PSD3: variants seen among roughly 807,000 people sequenced by gnomAD.
PSD3 encodes pleckstrin and Sec7 domain containing 3, also known as PH and SEC7 domain-containing protein 3.
In PSD3, 49 loss-of-function variants were observed where a neutral mutation model predicts 105.5. That is an observed-to-expected ratio of 0.46 (90% CI 0.37 to 0.59). The LOEUF is 0.59. PSD3 is among the 20% of genes least tolerant of loss of function. The pLI is 0.00. For missense variants in PSD3, 1,561 were observed against 1,263.8 expected, an observed-to-expected ratio of 1.24 and a Z score of -3.57; for synonymous variants, 557 against 457.8, an observed-to-expected ratio of 1.22 and a Z score of -2.77.
chr8:18,919,786 T>A (rs1820876563), intron 2 of PSD3, among the ~76,000 whole-genome samples: 1 of 136,016 alleles, frequency 7.4e-6, no homozygotes, highest in Admixed American at 8.5e-5. Flanking sequence ...CACTCATAGA[T>A]GGGAATTGAA....
intron 6 of PSD3, among the ~76,000 whole-genome samples, chr8:18,801,786 C>T (rs1007619576): frequency 1.3e-5 from 2 of 152,066 alleles, no homozygotes; most frequent in South Asian, 2.1e-4. Context: ...TGAGGTCGCG[C>T]CACTACACTC....
At chr8:18,911,818 C>T (rs1586400731) in intron 2 of PSD3, among the ~76,000 whole-genome samples, 1 of 152,198 alleles carries the variant, frequency 6.6e-6, no homozygotes, top group African/African-American at 2.4e-5. Context: ...CATCACTAGT[C>T]ATCATGAACA....
At chr8:18,579,256 A>G (rs531102478) in intron 12 of PSD3, among the ~76,000 whole-genome samples, 22 of 152,286 alleles carry the variant, frequency 1.4e-4, no homozygotes, top group African/African-American at 5.1e-4. Context: ...GATAGTGTTT[A>G]AATGGTAGAA....
chr8:18,773,075 G>C (rs1222131843), intron 8 of PSD3, among the ~76,000 whole-genome samples: 1 of 152,132 alleles, frequency 6.6e-6, no homozygotes, highest in Non-Finnish European at 1.5e-5. Context: ...TGGTGTCACA[G>C]TGAAGAAATT....
intron 9 of PSD3, among the ~76,000 whole-genome samples, chr8:18,657,680 C>T (rs1320054870): frequency 6.6e-6 from 1 of 152,124 alleles, no homozygotes; most frequent in Non-Finnish European, 1.5e-5. Flanking sequence ...TGGCTCAAGT[C>T]TCAGGAGGGC....
intron 10 of PSD3, among the ~76,000 whole-genome samples, chr8:18,648,238 G>C (rs977052314): frequency 6.6e-5 from 10 of 152,232 alleles, no homozygotes; most frequent in Non-Finnish European, 1.0e-4. Flanking sequence ...GAAAGTTTGA[G>C]ACTTCCTAGA....
At chr8:18,616,559 T>C (rs1207839944) in intron 11 of PSD3, among the ~76,000 whole-genome samples, 7 of 152,100 alleles carry the variant, frequency 4.6e-5, no homozygotes, top group Non-Finnish European at 1.0e-4. Context: ...TACCACCTAC[T>C]TGTGAGATTT....
intron 9 of PSD3, among the ~76,000 whole-genome samples, chr8:18,667,386 C>T (rs1398706321): frequency 6.6e-6 from 1 of 152,080 alleles, no homozygotes; most frequent in African/African-American, 2.4e-5. Context: ...CTGATTGGTG[C>T]ATTTACAAAC....
At chr8:18,781,467 T>G (rs990911599) in intron 8 of PSD3, among the ~76,000 whole-genome samples, 1 of 152,248 alleles carries the variant, frequency 6.6e-6, no homozygotes, top group African/African-American at 2.4e-5. Context: ...ACTGAATTTG[T>G]CAGCCTCTTT....
At chr8:19,048,842 G>T (rs1271970488) in intron 1 of PSD3, among the ~76,000 whole-genome samples, 1 of 152,214 alleles carries the variant, frequency 6.6e-6, no homozygotes, top group Non-Finnish European at 1.5e-5. Context: ...CACAGACTGG[G>T]TGACTTAAGC....
chr8:18,999,977 GT>G (rs1826287378), intron 1 of PSD3: 1 of 151,168 alleles, frequency 6.6e-6, no homozygotes, highest in African/African-American at 2.4e-5. Context: ...ATAAGCTCCA[GT>G]TTTAGAATAT....
intron 12 of PSD3, among the ~76,000 whole-genome samples, chr8:18,583,364 A>T (rs1222221923): frequency 1.3e-5 from 2 of 152,230 alleles, no homozygotes; most frequent in South Asian, 4.1e-4. Context: ...GGTTGGGGTC[A>T]AGGCTGCAGT....
chr8:18,752,617 A>T (rs1435538707), intron 9 of PSD3, among the ~76,000 whole-genome samples: 1 of 71,836 alleles, frequency 1.4e-5, no homozygotes, highest in African/African-American at 6.7e-5. Context: ...TAATACATAT[A>T]ATATATATTA....
chr8:18,545,127 C>G (rs1012847655), intron 15 of PSD3, among the ~76,000 whole-genome samples: 8 of 152,212 alleles, frequency 5.3e-5, no homozygotes, highest in African/African-American at 1.7e-4. Context: ...TACACTGTTT[C>G]TCTAGCTCTC....
At chr8:18,796,000 C>T (rs926245917) in intron 8 of PSD3, among the ~76,000 whole-genome samples, 4 of 152,032 alleles carry the variant, frequency 2.6e-5, no homozygotes. Context: ...GATAAAGAGG[C>T]ATTTCAAAAA....
intron 11 of PSD3, among the ~76,000 whole-genome samples, chr8:18,626,688 A>C (rs1188960501): frequency 3.3e-5 from 5 of 152,146 alleles, no homozygotes; most frequent in Non-Finnish European, 7.4e-5. Flanking sequence ...CAAAAGAAGA[A>C]GGCAAAAACA....
At chr8:19,082,880 A>T (rs530635798) in intron 1 of PSD3, among the ~76,000 whole-genome samples, 1 of 152,364 alleles carries the variant, frequency 6.6e-6, no homozygotes, top group East Asian at 1.9e-4. Context: ...TTAAGGAAGC[A>T]TGCTAGCATC....
intron 8 of PSD3, among the ~76,000 whole-genome samples, chr8:18,782,721 A>G (rs1368295947): frequency 6.6e-6 from 1 of 152,158 alleles, no homozygotes; most frequent in Admixed American, 6.5e-5. Flanking sequence ...GATGGTATGC[A>G]TAATGTCTGC....
chr8:19,047,160 C>T (rs182432221), intron 1 of PSD3, among the ~76,000 whole-genome samples: 36 of 152,288 alleles, frequency 2.4e-4, no homozygotes, highest in African/African-American at 8.7e-4. Context: ...TTAAGAGCCT[C>T]GGCAGAGAAA....
Sources: gnomAD v4.1 joint callset for allele counts (sites outside exome capture counted in the v4.1 genomes callset) on GRCh38, gnomAD v4.1.1 for gene constraint, MANE v1.5 for transcripts, NCBI Gene and HGNC (gene_info 2026-07-23, HGNC 2026-07-21) for gene names.